CDH12: variants seen among roughly 807,000 people sequenced by gnomAD.
CDH12 encodes cadherin 12, also known as cadherin-12.
A neutral mutation model predicts 74.1 loss-of-function variants in CDH12; 41 were observed. The ratio of observed to expected loss-of-function variants is 0.55; its 90% CI spans 0.43 to 0.72. The LOEUF is 0.72. Ranked by LOEUF, CDH12 falls within the 30% of genes least tolerant of loss-of-function variation. The probability of loss-of-function intolerance (pLI) is 0.00; values close to 1 mark genes in which losing one functional copy is unlikely to be tolerated. For missense variants in CDH12, 945 were observed against 977.2 expected (o/e 0.97, Z 0.44); for synonymous variants, 399 against 355.0 (o/e 1.12, Z -1.39).
intron 6 of CDH12, among the ~76,000 whole-genome samples, chr5:21,896,503 C>G (rs1445979326): frequency 6.6e-6 from 1 of 152,298 alleles, no homozygotes; most frequent in African/African-American, 2.4e-5. Context: ...AACTCTACCT[C>G]TTTCTCTTCC....
At chr5:22,828,795 A>G (rs1736452338) in intron 1 of CDH12, among the ~76,000 whole-genome samples, 2 of 152,188 alleles carry the variant, frequency 1.3e-5, no homozygotes, top group Non-Finnish European at 2.9e-5. Context: ...GGAATGATGT[A>G]CATGAAGACT....
In CDH12 at chr5:22,666,305, T is replaced by G. The variant is rs927709428; in HGVS notation, c.-522-160941A>C. Among the ~76,000 whole-genome samples the G allele has an allele frequency of 4.1e-4, 61 of 147,570 alleles. 1 individual carries two copies. The highest frequency in any genetic ancestry group is 7.8e-4 in the Non-Finnish European group (52 of 67,094). On this transcript the variant is annotated intron_variant, in intron 1 of 14. Coordinates refer to ENST00000382254, the MANE Select transcript of CDH12 (RefSeq NM_004061.5). ...ATCTTTTTTTTTTTTTTTTTTTGTT[T>G]TTGAGACGGAGTCTGTCTCTGACGC...
chr5:21,960,556 C>T (rs186318945), intron 6 of CDH12, among the ~76,000 whole-genome samples: 246 of 152,170 alleles, frequency 1.6e-3, no homozygotes, highest in African/African-American at 5.8e-3. Flanking sequence ...TTACCGTTCC[C>T]TTGTATCTCT....
chr5:22,030,821 A>AAGG (rs1738766759), intron 5 of CDH12, among the ~76,000 whole-genome samples: 1 of 152,124 alleles, frequency 6.6e-6, no homozygotes, highest in Non-Finnish European at 1.5e-5. Context: ...ACATTTATCA[A>AAGG]CGATATTAGC....
intron 5 of CDH12, among the ~76,000 whole-genome samples, chr5:22,032,253 A>G (rs1027060276): frequency 6.6e-6 from 1 of 152,106 alleles, no homozygotes; most frequent in Non-Finnish European, 1.5e-5. Flanking sequence ...TATACAGCCT[A>G]TAAGAAATTT....
At chr5:21,915,995 T>C (rs970077909) in intron 6 of CDH12, among the ~76,000 whole-genome samples, 1 of 152,142 alleles carries the variant, frequency 6.6e-6, no homozygotes, top group Non-Finnish European at 1.5e-5. Context: ...GTATGTGTCA[T>C]ACTGCTTCAT....
At chr5:22,425,000 T>C (rs970712047) in intron 2 of CDH12, among the ~76,000 whole-genome samples, 1 of 150,538 alleles carries the variant, frequency 6.6e-6, no homozygotes, top group African/African-American at 2.4e-5. Flanking sequence ...AGGTATTTCT[T>C]CCATACATGA....
At chr5:21,828,908 C>CTTTTTTTTTTTTTTTTTTTT (rs70957070) in intron 8 of CDH12, among the ~76,000 whole-genome samples, 1 of 119,280 alleles carries the variant, frequency 8.4e-6, no homozygotes, top group African/African-American at 3.4e-5. Flanking sequence ...AATCCTATGT[C>CTTTTTTTTTTTTTTTTTTTT]TTTTTTTTTT....
chr5:22,278,609 C>A (rs544197185), intron 3 of CDH12, among the ~76,000 whole-genome samples: 1 of 151,974 alleles, frequency 6.6e-6, no homozygotes, highest in East Asian at 1.9e-4. Context: ...TAAATATCCG[C>A]TTATGTAGAA....
intron 6 of CDH12, among the ~76,000 whole-genome samples, chr5:21,940,841 T>TTCTCTCTCTCTC (rs4028788): frequency 6.6e-6 from 1 of 150,964 alleles, no homozygotes; most frequent in Non-Finnish European, 1.5e-5. Flanking sequence ...TTCTCTCTGT[T>TTCTCTCTCTCTC]TCTCTCTCTC....
intron 3 of CDH12, among the ~76,000 whole-genome samples, chr5:22,349,060 A>G (rs1740245718): frequency 6.6e-6 from 1 of 152,190 alleles, no homozygotes; most frequent in South Asian, 2.1e-4. Flanking sequence ...CCTATAGAGG[A>G]ATCCACAGAG....
At chr5:22,720,285 A>G (rs1743812194) in intron 1 of CDH12, among the ~76,000 whole-genome samples, 1 of 152,094 alleles carries the variant, frequency 6.6e-6, no homozygotes, top group African/African-American at 2.4e-5. Context: ...TGGTTTTTTA[A>G]GGGGCTTTTC....
chr5:22,074,299 T>C (rs990156615), intron 5 of CDH12, among the ~76,000 whole-genome samples: 1 of 152,128 alleles, frequency 6.6e-6, no homozygotes, highest in Non-Finnish European at 1.5e-5. Flanking sequence ...TTACACCTTA[T>C]ACAAAAGTTA....
At chr5:22,779,340 T>A (rs1461220852) in intron 1 of CDH12, among the ~76,000 whole-genome samples, 3 of 152,188 alleles carry the variant, frequency 2.0e-5, no homozygotes, top group Non-Finnish European at 4.4e-5. Flanking sequence ...AAGGACATTT[T>A]TTATGTTTGA....
intron 5 of CDH12, among the ~76,000 whole-genome samples, chr5:21,980,991 C>A (rs1339647884): frequency 6.6e-6 from 1 of 152,122 alleles, no homozygotes. Context: ...AAACCATACT[C>A]TTTCTTTTCC....
At chr5:22,376,883 TAATA>T (rs1741552189) in intron 3 of CDH12, among the ~76,000 whole-genome samples, 1 of 151,948 alleles carries the variant, frequency 6.6e-6, no homozygotes, top group South Asian at 2.1e-4. Flanking sequence ...TTTCTACCAA[TAATA>T]AATAAGTAAA....
At chr5:21,854,536 A>C (rs1579839913) in intron 7 of CDH12, 135 bp downstream of exon 7, 1 of 552,072 alleles carries the variant, frequency 1.8e-6, no homozygotes, top group East Asian at 3.1e-5. Flanking sequence ...GAAAGATCCC[A>C]TCTTCTTTGC....
chr5:22,781,607 T>C (rs1465028074), intron 1 of CDH12, among the ~76,000 whole-genome samples: 1 of 152,172 alleles, frequency 6.6e-6, no homozygotes, highest in Non-Finnish European at 1.5e-5. Flanking sequence ...TCAGCAGTAA[T>C]GGGCAGCTTT....
At chr5:22,674,656 G>T (rs940821374) in intron 1 of CDH12, among the ~76,000 whole-genome samples, 1 of 152,188 alleles carries the variant, frequency 6.6e-6, no homozygotes. Context: ...GAACTCCCTA[G>T]AGACTTGTTG....
Sources: allele counts gnomAD v4.1 joint callset (sites outside exome capture counted in the v4.1 genomes callset), GRCh38; gene constraint gnomAD v4.1.1; transcripts MANE v1.5; gene names NCBI Gene and HGNC (gene_info 2026-07-23, HGNC 2026-07-21).